Variants in PHKB observed in about 807,000 individuals in gnomAD.
The protein encoded by PHKB is phosphorylase kinase regulatory subunit beta, also known as phosphorylase b kinase regulatory subunit beta.
PHKB carries 122 observed loss-of-function variants against 152.1 expected under a neutral mutation model. The observed-to-expected ratio is 0.80, with a 90% confidence interval of 0.69 to 0.93. PHKB has a LOEUF of 0.93. PHKB is among the 40% of genes least tolerant of loss of function. The pLI is 0.00. For missense variants in PHKB, 1,304 were observed against 1,328.4 expected, an observed-to-expected ratio of 0.98 and a Z score of 0.29; for synonymous variants, 436 against 464.9, an observed-to-expected ratio of 0.94 and a Z score of 0.80.
chr16:47,696,548 A>G, intron 29 of PHKB, 60 bp downstream of exon 29: 1 of 936,652 alleles, frequency 1.1e-6, no homozygotes, highest in South Asian at 1.3e-5. Flanking sequence ...CGTGAAAACT[A>G]GTATAAGGGA....
chr16:47,644,146 A>C (rs1442679349), intron 16 of PHKB, among the ~76,000 whole-genome samples: 2 of 152,204 alleles, frequency 1.3e-5, no homozygotes, highest in African/African-American at 4.8e-5. Flanking sequence ...ACATTTTACC[A>C]TACATTTATT....
chr16:47,592,724 G>A (rs779252772), intron 10 of PHKB, among the ~76,000 whole-genome samples: 16 of 152,102 alleles, frequency 1.1e-4, no homozygotes, highest in Non-Finnish European at 2.4e-4. Flanking sequence ...TCTGTCTTTT[G>A]TCTTAGTAGC....
At chr16:47,503,562 GGCTCA>G (rs1373335550) in intron 4 of PHKB, among the ~76,000 whole-genome samples, 1 of 152,170 alleles carries the variant, frequency 6.6e-6, no homozygotes, top group Admixed American at 6.5e-5. Flanking sequence ...CAGGCGCAGT[GGCTCA>G]CGCCTGTAAT....
At chr16:47,665,215 C>A in intron 25 of PHKB, 1 of 467,376 alleles carries the variant, frequency 2.1e-6, no homozygotes, top group Non-Finnish European at 3.9e-6. Flanking sequence ...TCCTGAAATA[C>A]ATGAAGATTG....
At chr16:47,537,689 G>T (rs555979779) in intron 6 of PHKB, among the ~76,000 whole-genome samples, 24 of 152,180 alleles carry the variant, frequency 1.6e-4, no homozygotes, top group African/African-American at 5.5e-4. Context: ...CTGGAAAAGA[G>T]TGGTCTGATG....
intron 13 of PHKB, among the ~76,000 whole-genome samples, chr16:47,606,208 T>G (rs1191840740): frequency 6.6e-6 from 1 of 152,168 alleles, no homozygotes; most frequent in Non-Finnish European, 1.5e-5. Flanking sequence ...CTAAAATCCT[T>G]TGGTGATTTT....
chr16:47,507,358 C>T (rs1970438122), intron 4 of PHKB, among the ~76,000 whole-genome samples: 1 of 151,776 alleles, frequency 6.6e-6, no homozygotes, highest in Admixed American at 6.6e-5. Context: ...ACCATTAGCA[C>T]CTGGCCATTA....
intron 4 of PHKB, chr16:47,505,336 C>T (rs992340662): frequency 6.6e-6 from 1 of 152,122 alleles, no homozygotes; most frequent in Non-Finnish European, 1.5e-5. Flanking sequence ...CTCATCAGAC[C>T]CCAGAAAAGG....
At chr16:47,538,162 T>C (rs1254270502) in intron 6 of PHKB, among the ~76,000 whole-genome samples, 1 of 152,190 alleles carries the variant, frequency 6.6e-6, no homozygotes, top group African/African-American at 2.4e-5. Flanking sequence ...CCCGAAGTGC[T>C]AGGATTGTAG....
At position 47,701,285 on chromosome 16, in the gene PHKB, G is replaced by A. The variant is rs1309376865; in HGVS notation, c.*1919G>A. The stretch of plus-strand genomic sequence containing the variant: ...AGAATTTTTTTAAAAAATCTGATTA[G>A]CTGAGCAAAGTTACCAGAAAACTGC... On this transcript the variant is annotated 3_prime_UTR_variant, in exon 31 of 31. Coordinates refer to ENST00000323584, the MANE Select transcript of PHKB (RefSeq NM_000293.3). 2.6e-5 allele frequency: 4 copies of A among 152,154 alleles called. No homozygotes were observed. The East Asian group carries it at 5.8e-4, about 22-fold the overall frequency. The allele number at this position is 152,154 out of a possible 1,614,324, so 9.4% of individuals were successfully genotyped here.
intron 1 of PHKB, among the ~76,000 whole-genome samples, chr16:47,487,793 A>G (rs1597023250): frequency 6.6e-6 from 1 of 152,200 alleles, no homozygotes; most frequent in African/African-American, 2.4e-5. Context: ...TTATGGCTGC[A>G]TGGTATTTCA....
chr16:47,616,540 A>G (rs1229599310), intron 14 of PHKB, among the ~76,000 whole-genome samples: 3 of 140,442 alleles, frequency 2.1e-5, no homozygotes, highest in Non-Finnish European at 4.8e-5. Context: ...ATATATAAAT[A>G]TAAATATAAA....
intron 13 of PHKB, among the ~76,000 whole-genome samples, chr16:47,599,148 A>G (rs527989864): frequency 9.2e-5 from 14 of 152,336 alleles, no homozygotes; most frequent in African/African-American, 3.1e-4. Context: ...AGTAAAACAT[A>G]TTTTAGTAGA....
chr16:47,696,582 C>T, intron 29 of PHKB, 94 bp downstream of exon 29: 1 of 771,654 alleles, frequency 1.3e-6, no homozygotes, highest in Non-Finnish European at 2.4e-6. Flanking sequence ...ACCCAGAATC[C>T]TATTCTTTCC....
chr16:47,663,232 G>A (rs1973474161), intron 23 of PHKB, among the ~76,000 whole-genome samples: 1 of 151,988 alleles, frequency 6.6e-6, no homozygotes, highest in South Asian at 2.1e-4. Flanking sequence ...AGCATATGTT[G>A]GAATGATCAT....
At chr16:47,626,151 A>G (rs1293166327) in intron 14 of PHKB, among the ~76,000 whole-genome samples, 1 of 152,248 alleles carries the variant, frequency 6.6e-6, no homozygotes, top group Non-Finnish European at 1.5e-5. Flanking sequence ...TCATTGATAT[A>G]GAAAACCCTT....
chr16:47,668,258 T>C (rs1973573898), intron 25 of PHKB, among the ~76,000 whole-genome samples: 1 of 152,152 alleles, frequency 6.6e-6, no homozygotes, highest in Non-Finnish European at 1.5e-5. Flanking sequence ...CACTGACATT[T>C]TAATAAAAGT....
intron 29 of PHKB, among the ~76,000 whole-genome samples, chr16:47,697,992 G>A (rs1393414609): frequency 1.3e-5 from 2 of 152,116 alleles, no homozygotes; most frequent in African/African-American, 4.8e-5. Flanking sequence ...TGGGCTCCAG[G>A]TCGTTTGATC....
At chr16:47,540,591 T>A (rs1157128486) in intron 6 of PHKB, among the ~76,000 whole-genome samples, 1 of 152,054 alleles carries the variant, frequency 6.6e-6, no homozygotes, top group Non-Finnish European at 1.5e-5. Context: ...AATTCCTCTC[T>A]TTGTACTCTT....
Sources: gnomAD v4.1 joint callset for allele counts (sites outside exome capture counted in the v4.1 genomes callset) on GRCh38, gnomAD v4.1.1 for gene constraint, MANE v1.5 for transcripts, NCBI Gene and HGNC (gene_info 2026-07-23, HGNC 2026-07-21) for gene names.